Variants in URI1 observed in about 807,000 individuals in gnomAD.
URI1 encodes the protein URI1 prefoldin like chaperone.
Under a neutral mutation model 60.2 loss-of-function variants are expected in URI1, and 39 were observed. The ratio of observed to expected loss-of-function variants is 0.65; its 90% CI spans 0.50 to 0.85. The LOEUF is 0.85. Ranked by LOEUF, URI1 falls within the 40% of genes least tolerant of loss-of-function variation. URI1 has a pLI of 0.00. For synonymous variants in URI1, 251 were observed against 236.8 expected, an observed-to-expected ratio of 1.06 and a Z score of -0.55; for missense variants, 691 against 665.9, an observed-to-expected ratio of 1.04 and a Z score of -0.42.
At chr19:29,937,241 A>C (rs774198418), upstream of URI1, among the ~76,000 whole-genome samples, 30 of 152,102 alleles carry the variant, frequency 2.0e-4, no homozygotes, top group Non-Finnish European at 2.5e-4. Context: ...TATAAGATTA[A>C]ACTATCTCTT....
exon 1 of URI1, chr19:29,923,672 C>T (rs2054841336): frequency 6.5e-7 from 1 of 1,536,300 alleles, no homozygotes; most frequent in South Asian, 1.2e-5. Flanking sequence ...TTTCCAGGCT[C>T]CTTGGAGGTC....
intron 4 of URI1, among the ~76,000 whole-genome samples, chr19:29,991,818 T>C (rs1262041358): frequency 1.3e-5 from 2 of 152,154 alleles, no homozygotes; most frequent in African/African-American, 4.8e-5. Flanking sequence ...TAAATGAAAA[T>C]ATGTTGAATT....
At chr19:29,997,848 TC>T (rs1721845929) in intron 4 of URI1, among the ~76,000 whole-genome samples, 1 of 152,170 alleles carries the variant, frequency 6.6e-6, no homozygotes, top group African/African-American at 2.4e-5. Flanking sequence ...CACTGTAACT[TC>T]CATCTCCCGC....
chr19:29,959,390 A>G (rs1310580683), intron 1 of URI1, among the ~76,000 whole-genome samples: 1 of 152,186 alleles, frequency 6.6e-6, no homozygotes, highest in African/African-American at 2.4e-5. Context: ...GGCTTCCCAA[A>G]ATGATGGACT....
chr19:29,982,676 C>T (rs1168129374), intron 2 of URI1, among the ~76,000 whole-genome samples: 1 of 152,138 alleles, frequency 6.6e-6, no homozygotes, highest in Non-Finnish European at 1.5e-5. Context: ...GTTTCCAAAG[C>T]CCCTGAATGG....
At chr19:29,988,952 G>T (rs1010615400) in intron 4 of URI1, among the ~76,000 whole-genome samples, 1 of 152,134 alleles carries the variant, frequency 6.6e-6, no homozygotes, top group African/African-American at 2.4e-5. Flanking sequence ...AATATTGTCA[G>T]TTTAAGAAGT....
intron 10 of URI1, chr19:30,012,777 C>A: frequency 2.6e-6 from 1 of 377,598 alleles, no homozygotes; most frequent in Non-Finnish European, 4.6e-6. Flanking sequence ...AAATGTCTTA[C>A]TTGGCATTAT....
rs563789059 is a variant in URI1, at chr19:30,011,384, C to CT, written c.1178+149dup. 709 of 1,045,248 alleles carry CT rather than the reference C, an allele frequency of 6.8e-4. 2 individuals are homozygous for CT. In the African/African-American group the frequency reaches 0.011, roughly 16 times the overall value. 64.7% of individuals were successfully genotyped at this position (1,045,248 alleles called of 1,614,324 possible). Reference sequence around the variant, plus strand: ...AGGAGTTAACTTAGGATCTGATAGGCTGACCGGCTGTAGCTTCCCAGTCCA... The same window carrying CT: ...AGGAGTTAACTTAGGATCTGATAGGCTTGACCGGCTGTAGCTTCCCAGTCCA... On this transcript the variant is annotated intron_variant, in intron 9 of 10. Coordinates refer to ENST00000392271, the MANE Select transcript of URI1 (RefSeq NM_003796.3).
intron 4 of URI1, among the ~76,000 whole-genome samples, chr19:30,001,896 A>G (rs1337933120): frequency 6.6e-6 from 1 of 152,010 alleles, no homozygotes; most frequent in East Asian, 1.9e-4. Flanking sequence ...TACTAAGTAC[A>G]TGTATTCAAT....
intron 4 of URI1, among the ~76,000 whole-genome samples, chr19:30,002,523 G>A (rs184315685): frequency 3.6e-4 from 55 of 152,012 alleles, no homozygotes; most frequent in Admixed American, 1.1e-3. Context: ...CATTTAACCT[G>A]CAGCCTGGTT....
intron 1 of URI1, among the ~76,000 whole-genome samples, chr19:29,929,310 T>A (rs573556596): frequency 4.6e-5 from 7 of 151,926 alleles, no homozygotes; most frequent in East Asian, 3.9e-4. Context: ...TAAAAAAAAA[T>A]TTAAGGCTGG....
At chr19:30,011,806 A>G (rs1388326525) in intron 9 of URI1, among the ~76,000 whole-genome samples, 2 of 146,272 alleles carry the variant, frequency 1.4e-5, no homozygotes, top group African/African-American at 2.5e-5. Flanking sequence ...TAAAAATAAC[A>G]TGCTGTGTTT....
At chr19:29,950,064 G>A (rs919671060) in intron 1 of URI1, among the ~76,000 whole-genome samples, 2 of 152,222 alleles carry the variant, frequency 1.3e-5, no homozygotes, top group Non-Finnish European at 2.9e-5. Flanking sequence ...TTACTTGTAA[G>A]TTTTATTTTA....
In URI1 at chr19:29,984,979, G is replaced by C. The variant is rs537135685; in HGVS notation, c.153-244G>C. Reference sequence around the variant, plus strand: ...TACTGAAAATACAAAAACTAGCCTTGCATGGTGGCGCACACTTGTAATCCC... The same window carrying C: ...TACTGAAAATACAAAAACTAGCCTTCCATGGTGGCGCACACTTGTAATCCC... On this transcript the variant is annotated intron_variant, in intron 2 of 10. Transcript: ENST00000392271. Among the ~76,000 whole-genome samples the C allele has an allele frequency of 2.6e-5, 4 of 151,822 alleles. No homozygotes were observed. The East Asian group carries it at 5.8e-4, about 22-fold the overall frequency.
At chr19:29,976,618 CTT>C (rs1363096158) in intron 2 of URI1, among the ~76,000 whole-genome samples, 4 of 152,178 alleles carry the variant, frequency 2.6e-5, no homozygotes, top group Admixed American at 2.0e-4. Flanking sequence ...ACTGCAATGA[CTT>C]TATTGAATAG....
intron 1 of URI1, among the ~76,000 whole-genome samples, chr19:29,960,378 AAT>A (rs1487452857): frequency 6.6e-6 from 1 of 152,128 alleles, no homozygotes; most frequent in African/African-American, 2.4e-5. Flanking sequence ...TATGTATTAA[AAT>A]AGTCACTAGG....
chr19:29,993,675 A>AT (rs1241701713), intron 4 of URI1, among the ~76,000 whole-genome samples: 5 of 151,994 alleles, frequency 3.3e-5, no homozygotes, highest in South Asian at 2.1e-4. Flanking sequence ...TTTAAAAATT[A>AT]TTTTTTTAGT....
At chr19:29,982,244 T>C (rs942714332) in intron 2 of URI1, among the ~76,000 whole-genome samples, 7 of 152,238 alleles carry the variant, frequency 4.6e-5, no homozygotes, top group African/African-American at 7.2e-5. Flanking sequence ...ACTCTAATCT[T>C]AAACTGCTCT....
intron 1 of URI1, among the ~76,000 whole-genome samples, chr19:29,970,329 A>C (rs758091988): frequency 1.4e-4 from 22 of 151,956 alleles, no homozygotes; most frequent in Non-Finnish European, 3.1e-4. Context: ...AAAATGGTAT[A>C]TGGTATTCTA....
Sources: allele counts gnomAD v4.1 joint callset (sites outside exome capture counted in the v4.1 genomes callset), GRCh38; gene constraint gnomAD v4.1.1; transcripts MANE v1.5; gene names NCBI Gene and HGNC (gene_info 2026-07-23, HGNC 2026-07-21).